Variants in LRP6 observed in about 807,000 individuals in gnomAD.
LRP6 encodes LDL receptor related protein 6.
LRP6 carries 43 observed loss-of-function variants against 184.1 expected under a neutral mutation model. The ratio of observed to expected loss-of-function variants is 0.23; its 90% CI spans 0.18 to 0.30. The LOEUF is 0.30. Among genes scored for constraint, LRP6 ranks in the 10% least tolerant of loss-of-function variants. The pLI is 1.00. For synonymous variants in LRP6, 719 were observed against 684.9 expected (o/e 1.05, Z -0.78); for missense variants, 1,571 against 2,005.3 (o/e 0.78, Z 4.14).
At chr12:12,256,800 T>C (rs960713164) in intron 1 of LRP6, among the ~76,000 whole-genome samples, 1 of 152,182 alleles carries the variant, frequency 6.6e-6, no homozygotes, top group Non-Finnish European at 1.5e-5. Context: ...AGCAAGACTC[T>C]GTTTCAAAAA....
rs867270484 is a variant in LRP6, at chr12:12,213,890, T to C, written c.450-10490A>G. ...CCAGTCTTGGATAATCATGTGACCATAGTTTTAATTTTCATCTGCAAAGTG... is the reference window on the plus strand; with the variant it reads ...CCAGTCTTGGATAATCATGTGACCACAGTTTTAATTTTCATCTGCAAAGTG... On this transcript the variant is annotated intron_variant, in intron 2 of 22. Transcript: ENST00000261349. 3.9e-5 allele frequency among the ~76,000 whole-genome samples: 6 copies of C among 152,308 alleles called. No homozygotes were observed. In the South Asian group the frequency reaches 8.3e-4, roughly 21 times the overall value.
intron 2 of LRP6, among the ~76,000 whole-genome samples, chr12:12,241,264 A>G (rs562991129): frequency 1.3e-5 from 2 of 152,154 alleles, no homozygotes; most frequent in East Asian, 1.9e-4. Flanking sequence ...CACTGTTTTC[A>G]TGTACTTTGT....
intron 7 of LRP6, among the ~76,000 whole-genome samples, chr12:12,167,291 T>C (rs1016705304): frequency 1.3e-4 from 20 of 152,176 alleles, no homozygotes; most frequent in Admixed American, 2.6e-4. Context: ...AAGAGATTTG[T>C]ATTTCAAATA....
rs752895009 is a variant in LRP6 at position 12,266,740 on chromosome 12, C to T, written c.-5G>A. 1.9e-6 allele frequency: 3 copies of T among 1,612,852 alleles called. No individual in the cohort carries two copies. Among genetic ancestry groups the T allele is most frequent in the Non-Finnish European group, 2.5e-6 (3 of 1,179,522 alleles). ...GCTCCTCAGGACGGCCCCCATCTTC[C>T]CTTCTCGCGTTCTCTTCTCTCACCG... On this transcript the variant is annotated 5_prime_UTR_variant, in exon 1 of 23. Transcript: ENST00000261349.
intron 2 of LRP6, among the ~76,000 whole-genome samples, chr12:12,239,123 C>T (rs1285192659): frequency 6.6e-6 from 1 of 152,114 alleles, no homozygotes; most frequent in Non-Finnish European, 1.5e-5. Context: ...GATTCCCTTC[C>T]AGTTCTAGGA....
intron 2 of LRP6, among the ~76,000 whole-genome samples, chr12:12,241,544 T>TC (rs1326839868): frequency 6.6e-6 from 1 of 152,160 alleles, no homozygotes; most frequent in East Asian, 1.9e-4. Flanking sequence ...TCCAGTTGAG[T>TC]CGTTTTTAAA....
Position 12,179,828 on chromosome 12 carries a change from G to A in LRP6, c.1527C>T (p.Ala509=). 6.2e-7 allele frequency: 1 copy of A among 1,613,574 alleles called. No homozygotes were observed. ...AACAAACCTCAATCTTGTCTGTTTT[G>A]GCATCTCCCCAGTATATTTTGCCTT... ...YDEGKIYWGD[A]KTDKIEVMNT... is the part of the protein sequence containing the mutation. Residue 509 remains alanine (A), a synonymous_variant, in exon 7 of 23, where the codon GCC becomes GCT. Coordinates refer to ENST00000261349, the MANE Select transcript of LRP6 (RefSeq NM_002336.3).
At chr12:12,139,076 A>G (rs531238583) in intron 15 of LRP6, 1 of 1,162,272 alleles carries the variant, frequency 8.6e-7, no homozygotes, top group East Asian at 5.9e-5. Flanking sequence ...TCTTTTATAC[A>G]GTGGGCTAAA....
chr12:12,157,450 C>T lies in LRP6; in HGVS notation c.2791+1379G>A, dbSNP rs369258737. The stretch of plus-strand genomic sequence containing the variant: ...TATTATCTTTAATCTTCATAACAAC[C>T]CTATACAGCAATTACTATTATTATT... On this transcript the variant is annotated intron_variant, in intron 12 of 22. Coordinates refer to ENST00000261349, the MANE Select transcript of LRP6 (RefSeq NM_002336.3). Among the ~76,000 whole-genome samples, 3 of 151,944 alleles carry T rather than the reference C, an allele frequency of 2.0e-5. No individual in the cohort carries two copies. The East Asian group carries it at 5.8e-4, about 29-fold the overall frequency.
At chr12:12,157,253 ACAGAACT>A (rs1862612100) in intron 12 of LRP6, among the ~76,000 whole-genome samples, 1 of 151,760 alleles carries the variant, frequency 6.6e-6, no homozygotes, top group Non-Finnish European at 1.5e-5. Context: ...TCTTTCCCAC[ACAGAACT>A]CATTAACAAC....
chr12:12,143,518 GTATAA>G (rs71435893), intron 15 of LRP6, among the ~76,000 whole-genome samples: 8,216 of 152,174 alleles, frequency 0.054, 288 homozygotes, highest in Middle Eastern at 0.16. Context: ...ATAATTGACA[GTATAA>G]TATAAGTAAA....
intron 3 of LRP6, among the ~76,000 whole-genome samples, chr12:12,189,588 G>A (rs553565090): frequency 2.0e-5 from 3 of 151,946 alleles, no homozygotes; most frequent in Non-Finnish European, 2.9e-5. Flanking sequence ...TGCAACCTCC[G>A]CCTCCAGGGT....
chr12:12,218,818 T>C (rs1009841581), intron 2 of LRP6, among the ~76,000 whole-genome samples: 1 of 152,062 alleles, frequency 6.6e-6, no homozygotes, highest in Non-Finnish European at 1.5e-5. Context: ...GACAGAGCAA[T>C]ACCCCCATCT....
At chr12:12,221,414 T>C (rs1383496013) in intron 2 of LRP6, among the ~76,000 whole-genome samples, 1 of 152,166 alleles carries the variant, frequency 6.6e-6, no homozygotes, top group African/African-American at 2.4e-5. Flanking sequence ...TTTAAGACTA[T>C]GCACCTCCCC....
chr12:12,175,315 G>A (rs1037726824), intron 7 of LRP6, among the ~76,000 whole-genome samples: 1 of 152,084 alleles, frequency 6.6e-6, no homozygotes, highest in Non-Finnish European at 1.5e-5. Flanking sequence ...CTTGAGCTTG[G>A]GAGGCAGAGG....
chr12:12,208,643 T>C (rs11054729), intron 2 of LRP6, among the ~76,000 whole-genome samples: 21,450 of 152,188 alleles, frequency 0.14, 2,093 homozygotes, highest in African/African-American at 0.28. Flanking sequence ...ACATTGCACG[T>C]ATTCTTTTTT....
intron 12 of LRP6, among the ~76,000 whole-genome samples, chr12:12,156,066 A>G (rs1014720439): frequency 1.2e-4 from 19 of 152,240 alleles, no homozygotes; most frequent in African/African-American, 4.6e-4. Flanking sequence ...AGGAAGTGAC[A>G]TAAATAGTAG....
intron 15 of LRP6, among the ~76,000 whole-genome samples, chr12:12,139,620 G>A (rs1306550108): frequency 6.6e-6 from 1 of 152,124 alleles, no homozygotes. Context: ...GTACTCAGGA[G>A]GCTGAGATGG....
At chr12:12,157,641 A>C (rs1174402667) in intron 12 of LRP6, among the ~76,000 whole-genome samples, 3 of 152,180 alleles carry the variant, frequency 2.0e-5, no homozygotes, top group Non-Finnish European at 4.4e-5. Flanking sequence ...GAACAGACCA[A>C]ATTTTTCCTA....
Sources: allele counts gnomAD v4.1 joint callset (sites outside exome capture counted in the v4.1 genomes callset), GRCh38; gene constraint gnomAD v4.1.1; transcripts MANE v1.5; gene names NCBI Gene and HGNC (gene_info 2026-07-23, HGNC 2026-07-21).